The following XRN2 variants were observed in gnomAD, a reference collection of about 807,000 sequenced individuals.
XRN2 encodes the protein 5'-3' exoribonuclease 2, also known as DHM1-like protein.
In XRN2, 44 loss-of-function variants were observed where a neutral mutation model predicts 138.5. The observed-to-expected ratio is 0.32, with a 90% CI of 0.25 to 0.41. The LOEUF is 0.41. XRN2 is among the 10% of genes least tolerant of loss of function. XRN2 has a pLI of 1.00. For synonymous variants in XRN2, 354 were observed against 369.4 expected (o/e 0.96, Z 0.48); for missense variants, 937 against 1,169.3 (o/e 0.80, Z 2.90).
At chr20:21,350,841 T>C (rs1304446063) in intron 20 of XRN2, among the ~76,000 whole-genome samples, 1 of 152,120 alleles carries the variant, frequency 6.6e-6, no homozygotes, top group Non-Finnish European at 1.5e-5. Context: ...ATCATATCGC[T>C]TCAGTGGAAT....
intron 14 of XRN2, among the ~76,000 whole-genome samples, chr20:21,340,425 A>T (rs186342138): frequency 3.5e-4 from 53 of 152,352 alleles, no homozygotes; most frequent in African/African-American, 1.2e-3. Flanking sequence ...AATTATAAAA[A>T]GCAGTGGGTT....
chr20:21,384,745 G>A (rs1191439544), intron 28 of XRN2, among the ~76,000 whole-genome samples: 4 of 152,108 alleles, frequency 2.6e-5, no homozygotes, highest in South Asian at 4.1e-4. Context: ...TGCCTGCCTC[G>A]GCCTCCTGGA....
In XRN2 at chr20:21,365,620, A is replaced by G. The variant is rs766701117; in HGVS notation, c.2372A>G (p.Asn791Ser). The G allele has an allele frequency of 6.2e-7, 1 of 1,613,402 alleles. No individual in the cohort carries two copies. The highest frequency in any genetic ancestry group is 8.5e-7 in the Non-Finnish European group (1 of 1,179,942). ...LKPSDWEKSS[N>S]GRQWKPQLGF... is the part of the protein sequence containing the mutation. ...CCTAGTGACTGGGAAAAATCCAGCA[A>G]TGGACGGCAGTGGAAGCCTCAGCTT... is the stretch of plus-strand genomic sequence containing the variant. Residue 791 changes from asparagine (N) to serine (S), a missense_variant, in exon 26 of 30, where the codon AAT becomes AGT. By Grantham distance (46) the Asn-to-Ser change is conservative. Around this residue, in one of 6 missense-constraint regions of XRN2, gnomAD observed 372 missense variants for 414.4 expected, o/e 0.90. Transcript: ENST00000377191.
chr20:21,336,479 G>A (rs1333407491), intron 13 of XRN2, among the ~76,000 whole-genome samples: 15 of 152,088 alleles, frequency 9.9e-5, no homozygotes, highest in Non-Finnish European at 2.9e-5. Context: ...AAAAAAAATT[G>A]TTATTGAAGT....
In XRN2 at chr20:21,387,013, GGTT is replaced by G; in HGVS notation, c.2787+10_2787+12del. The G allele has an allele frequency of 6.2e-7, 1 of 1,603,080 alleles. No individual in the cohort carries two copies. Among genetic ancestry groups the G allele is most frequent in the East Asian group, 2.2e-5 (1 of 44,572 alleles). ...TGATCGTGGAGGGAGACAGGTAAAT[GGTT>G]GTGGGATGAAAAGTATACTGCTCAC... On this transcript the variant is annotated splice_region_variant and intron_variant, in intron 29 of 29. Transcript: ENST00000377191.
intron 29 of XRN2, among the ~76,000 whole-genome samples, chr20:21,388,250 G>A (rs150444652): frequency 2.0e-5 from 3 of 152,292 alleles, no homozygotes; most frequent in African/African-American, 7.2e-5. Context: ...GCTGACCCCA[G>A]TTCATCCATT....
intron 24 of XRN2, among the ~76,000 whole-genome samples, chr20:21,363,689 T>C (rs985888794): frequency 2.0e-5 from 3 of 152,232 alleles, no homozygotes; most frequent in African/African-American, 7.2e-5. Context: ...AGATAGACTC[T>C]AGTTAAAGTG....
At chr20:21,356,811 T>C (rs1184002085) in intron 23 of XRN2, 146 bp downstream of exon 23, 4 of 738,526 alleles carry the variant, frequency 5.4e-6, no homozygotes, top group Non-Finnish European at 8.6e-6. Flanking sequence ...GAAAAATGCT[T>C]GGGTTCAAAG....
chr20:21,331,370 A>C (rs1330839797), intron 6 of XRN2, among the ~76,000 whole-genome samples, 191 bp from the exon 7 acceptor site: 1 of 150,142 alleles, frequency 6.7e-6, no homozygotes, highest in East Asian at 2.0e-4. Flanking sequence ...TTATTCAGAA[A>C]ATTTTCAGTG....
intron 3 of XRN2, 67 bp from the exon 4 acceptor site, chr20:21,328,492 A>C: frequency 6.9e-7 from 1 of 1,454,504 alleles, no homozygotes; most frequent in Non-Finnish European, 9.4e-7. Flanking sequence ...CAACTGATTC[A>C]AAATAAGGTA....
intron 4 of XRN2, among the ~76,000 whole-genome samples, chr20:21,328,889 A>G (rs2038164291): frequency 6.6e-6 from 1 of 152,190 alleles, no homozygotes; most frequent in African/African-American, 2.4e-5. Flanking sequence ...AGCCTTGGGA[A>G]TAGGGAATTC....
chr20:21,357,395 G>T (rs915873951), intron 23 of XRN2, among the ~76,000 whole-genome samples: 1 of 152,174 alleles, frequency 6.6e-6, no homozygotes. Flanking sequence ...TGTAATCCCA[G>T]TGGCAGTTTG....
intron 3 of XRN2, among the ~76,000 whole-genome samples, chr20:21,327,524 T>C (rs1186728597): frequency 6.6e-6 from 1 of 152,216 alleles, no homozygotes; most frequent in African/African-American, 2.4e-5. Context: ...ACTTGCTAAG[T>C]TGCAGTTAGA....
chr20:21,372,343 T>A (rs548003025), intron 27 of XRN2, among the ~76,000 whole-genome samples: 10 of 152,272 alleles, frequency 6.6e-5, no homozygotes, highest in African/African-American at 2.4e-4. Flanking sequence ...GAGAGAAAAT[T>A]ATGAGCTTTG....
intron 6 of XRN2, 73 bp downstream of exon 6, chr20:21,330,778 T>G: frequency 7.3e-7 from 1 of 1,363,686 alleles, no homozygotes; most frequent in Admixed American, 1.8e-5. Flanking sequence ...ATGACTGACA[T>G]TATTTATCCT....
At chr20:21,386,635 G>A (rs1019515971) in intron 28 of XRN2, among the ~76,000 whole-genome samples, 1 of 152,164 alleles carries the variant, frequency 6.6e-6, no homozygotes, top group African/African-American at 2.4e-5. Context: ...TTAAAAGTCA[G>A]AACTTCTCAG....
chr20:21,303,428 C>T lies in XRN2; in HGVS notation c.30C>T (p.Leu10=), dbSNP rs1223876600. 10 of 1,548,770 alleles carry T rather than the reference C, an allele frequency of 6.5e-6. No homozygotes were observed. Among genetic ancestry groups the T allele is most frequent in the Non-Finnish European group, 7.9e-6 (9 of 1,146,122 alleles). ...GAGTCCCGGCGTTCTTCCGCTGGCT[C>T]AGCCGCAAGTACCCGTCCATCATAG... is the stretch of plus-strand genomic sequence containing the variant. MGVPAFFRW[L]SRKYPSIIVN... The change falls in exon 1 of 30, where the codon CTC becomes CTT. Residue 10 remains leucine, a synonymous_variant. Coordinates refer to ENST00000377191, the MANE Select transcript of XRN2 (RefSeq NM_012255.5).
intron 1 of XRN2, among the ~76,000 whole-genome samples, chr20:21,308,220 A>T (rs542692443): frequency 6.6e-6 from 1 of 152,300 alleles, no homozygotes; most frequent in Non-Finnish European, 1.5e-5. Flanking sequence ...TTCTGTGTGT[A>T]GATACACCAC....
At chr20:21,320,505 T>C (rs965706829) in intron 1 of XRN2, among the ~76,000 whole-genome samples, 1 of 152,054 alleles carries the variant, frequency 6.6e-6, no homozygotes, top group African/African-American at 2.4e-5. Flanking sequence ...TTCAGCGTGC[T>C]AGCCAGGATG....
Sources: allele counts gnomAD v4.1 joint callset (sites outside exome capture counted in the v4.1 genomes callset), GRCh38; gene constraint gnomAD v4.1.1; regional missense constraint gnomAD v4.1.1; transcripts MANE v1.5; gene names NCBI Gene and HGNC (gene_info 2026-07-23, HGNC 2026-07-21).